Variants in RGS9 observed in about 807,000 individuals in gnomAD.
RGS9 encodes the protein regulator of G-protein signalling 9.
A neutral mutation model predicts 102.0 loss-of-function variants in RGS9; 78 were observed. The ratio of observed to expected loss-of-function variants is 0.76; its 90% confidence interval spans 0.64 to 0.92. The LOEUF is 0.92. Ranked by LOEUF, RGS9 falls within the 40% of genes least tolerant of loss-of-function variation. The pLI is 0.00. For missense variants in RGS9, 833 were observed against 866.1 expected, an observed-to-expected ratio of 0.96 and a Z score of 0.48; for synonymous variants, 353 against 318.6, an observed-to-expected ratio of 1.11 and a Z score of -1.15.
intron 11 of RGS9, 145 bp downstream of exon 11, chr17:65,190,381 G>T (rs1912322258): frequency 1.3e-6 from 1 of 779,740 alleles, no homozygotes; most frequent in Non-Finnish European, 2.3e-6. Flanking sequence ...TGGGGGCTTA[G>T]TTCCTAGTTC....
Position 65,227,491 on chromosome 17 carries a change from C to T in RGS9, c.*84C>T. On this transcript the variant is annotated 3_prime_UTR_variant, in exon 19 of 19. Transcript: ENST00000262406. ...TGGTATGGGCCACAGGACACACTTG[C>T]TCGAGAACCAAAGTGCATTTGGGTG... 1 of 1,529,090 alleles carries T rather than the reference C, an allele frequency of 6.5e-7. No homozygotes were observed. Among genetic ancestry groups the T allele is most frequent in the Non-Finnish European group, 8.9e-7 (1 of 1,126,958 alleles). 94.7% of individuals were successfully genotyped at this position (1,529,090 alleles called of 1,614,324 possible). A position where few individuals can be genotyped will look rare whatever the true frequency, so the allele number is the denominator to read the frequency against.
At chr17:65,197,098 C>G in intron 12 of RGS9, 28 bp from the exon 13 acceptor site, 1 of 1,548,578 alleles carries the variant, frequency 6.5e-7, no homozygotes, top group South Asian at 1.1e-5. Context: ...CGCTACCTCT[C>G]TGGTGCATTT....
At chr17:65,206,146 T>C (rs1280974955) in intron 15 of RGS9, among the ~76,000 whole-genome samples, 1 of 152,204 alleles carries the variant, frequency 6.6e-6, no homozygotes, top group Non-Finnish European at 1.5e-5. Flanking sequence ...TTATATTTCT[T>C]CTATTTAGTC....
At chr17:65,147,205 A>C (rs141594232) in intron 1 of RGS9, among the ~76,000 whole-genome samples, 1 of 152,178 alleles carries the variant, frequency 6.6e-6, no homozygotes, top group Non-Finnish European at 1.5e-5. Flanking sequence ...TTCTGTTCCA[A>C]AACAATTCTG....
chr17:65,210,703 G>A, intron 17 of RGS9, 98 bp downstream of exon 17: 1 of 1,574,038 alleles, frequency 6.4e-7, no homozygotes, highest in East Asian at 2.3e-5. Context: ...CTTGGGAGAG[G>A]CAAATGAAGA....
chr17:65,164,056 C>A (rs9909394), intron 7 of RGS9, among the ~76,000 whole-genome samples: 13,734 of 152,146 alleles, frequency 0.09, 740 homozygotes, highest in Middle Eastern at 0.15. Flanking sequence ...TCTGCCTTAA[C>A]AAGAGCTGGA....
chr17:65,212,378 A>C (rs753658060), intron 17 of RGS9, among the ~76,000 whole-genome samples: 1 of 152,234 alleles, frequency 6.6e-6, no homozygotes. Flanking sequence ...GTACTGGGAT[A>C]GGAAAGATGG....
At chr17:65,222,758 T>A (rs1028789429) in intron 17 of RGS9, among the ~76,000 whole-genome samples, 2 of 152,070 alleles carry the variant, frequency 1.3e-5, no homozygotes, top group Non-Finnish European at 2.9e-5. Context: ...TAGTGCAGAG[T>A]CCCTTAAGCT....
At chr17:65,146,423 A>T (rs1436128939) in intron 1 of RGS9, among the ~76,000 whole-genome samples, 1 of 151,598 alleles carries the variant, frequency 6.6e-6, no homozygotes, top group Admixed American at 6.6e-5. Flanking sequence ...CCCCGTCTCT[A>T]CTAAAAATAC....
intron 1 of RGS9, among the ~76,000 whole-genome samples, chr17:65,140,317 AG>A (rs1438181195): frequency 1.3e-5 from 2 of 152,162 alleles, no homozygotes; most frequent in Non-Finnish European, 2.9e-5. Flanking sequence ...AAGGATACAT[AG>A]GGTTTCCAGG....
At position 65,219,344 on chromosome 17, in the gene RGS9, G is replaced by T. The variant is rs531060749; in HGVS notation, c.1408-5658G>T. 4.6e-5 allele frequency among the ~76,000 whole-genome samples: 7 copies of T among 152,336 alleles called. No homozygotes were observed. In the East Asian group the frequency reaches 1.3e-3, roughly 29 times the overall value. ...TGAGGGCTTGCAAGCATCTGTGGCT[G>T]CTGCTATTGTTCCAGCAGGTGGCAG... On this transcript the variant is annotated intron_variant, in intron 17 of 18. Transcript: ENST00000262406.
chr17:65,177,205 C>T (rs1196272030), intron 8 of RGS9, among the ~76,000 whole-genome samples: 1 of 151,156 alleles, frequency 6.6e-6, no homozygotes, highest in Non-Finnish European at 1.5e-5. Context: ...TATTCACCCA[C>T]CCACCATCCA....
intron 16 of RGS9, among the ~76,000 whole-genome samples, chr17:65,210,091 C>T (rs932860426): frequency 1.3e-5 from 2 of 152,070 alleles, no homozygotes; most frequent in Admixed American, 6.6e-5. Context: ...TGCCCACCCC[C>T]CAACCGCCCC....
At chr17:65,219,759 A>G (rs1245441267) in intron 17 of RGS9, among the ~76,000 whole-genome samples, 3 of 152,138 alleles carry the variant, frequency 2.0e-5, no homozygotes, top group Non-Finnish European at 4.4e-5. Context: ...TAAGCCCTCA[A>G]CGAACACTAG....
At chr17:65,202,450 AGAGAGAGAGAGAGAGAGT>A (rs796882454) in intron 14 of RGS9, among the ~76,000 whole-genome samples, 14 of 133,666 alleles carry the variant, frequency 1.0e-4, no homozygotes, top group African/African-American at 1.3e-4. Flanking sequence ...TGTGTGAGAG[AGAGAGAGAGAGAGAGAGT>A]GAGAGAGAGA....
Position 65,221,044 on chromosome 17 carries a change from C to T in RGS9, c.1408-3958C>T, listed in dbSNP as rs2292591. Among the ~76,000 whole-genome samples the T allele has an allele frequency of 2.3e-3, 349 of 152,164 alleles. 5 individuals are homozygous for T. The highest frequency in any genetic ancestry group is 0.018 in the East Asian group (95 of 5,178). On this transcript the variant is annotated intron_variant, in intron 17 of 18. Transcript: ENST00000262406. ...AGAGCCCCAGGCTCCATGGGAGGGA[C>T]CAAGGTGGGGAATTGTGGGAACGGG...
At chr17:65,190,679 T>C (rs1001990708) in intron 11 of RGS9, among the ~76,000 whole-genome samples, 6 of 152,202 alleles carry the variant, frequency 3.9e-5, no homozygotes, top group Non-Finnish European at 8.8e-5. Context: ...TTAAGATAAA[T>C]TGGACATTTA....
intron 8 of RGS9, among the ~76,000 whole-genome samples, chr17:65,171,745 G>C (rs1237549378): frequency 6.6e-6 from 1 of 152,232 alleles, no homozygotes; most frequent in Non-Finnish European, 1.5e-5. Context: ...CTGTGATTCA[G>C]CATCCTGTAA....
intron 17 of RGS9, among the ~76,000 whole-genome samples, chr17:65,218,673 T>C (rs1122078): frequency 0.25 from 37,325 of 152,152 alleles, 6,625 homozygotes; most frequent in African/African-American, 0.48. Flanking sequence ...TTTCTTTCTG[T>C]CCTCTTCTCT....
Sources: gnomAD v4.1 joint callset for allele counts (sites outside exome capture counted in the v4.1 genomes callset) on GRCh38, gnomAD v4.1.1 for gene constraint, MANE v1.5 for transcripts, NCBI Gene and HGNC (gene_info 2026-07-23, HGNC 2026-07-21) for gene names.